Variants in NLGN1 observed in about 807,000 individuals in gnomAD.
NLGN1 encodes the protein neuroligin-1.
Under a neutral mutation model 65.5 loss-of-function variants are expected in NLGN1, and 12 were observed. That is an observed-to-expected ratio of 0.18 (90% CI 0.12 to 0.30). The LOEUF (loss-of-function observed/expected upper bound fraction) is 0.30, where lower values mean the gene tolerates loss of function less well. NLGN1 is among the 10% of genes least tolerant of loss of function. The pLI, the probability that NLGN1 is intolerant of heterozygous loss-of-function variation, is 1.00. For synonymous variants in NLGN1, 350 were observed against 359.5 expected, an observed-to-expected ratio of 0.97 and a Z score of 0.30; for missense variants, 750 against 1,007.1, an observed-to-expected ratio of 0.74 and a Z score of 3.46.
chr3:173,957,087 CA>C (rs200836710), intron 4 of NLGN1, among the ~76,000 whole-genome samples: 4,813 of 151,664 alleles, frequency 0.032, 108 homozygotes, highest in Middle Eastern at 0.082. Flanking sequence ...TATAATATAG[CA>C]AAAAAATTTG....
At chr3:173,812,031 A>T (rs1000714551) in intron 4 of NLGN1, among the ~76,000 whole-genome samples, 1 of 152,130 alleles carries the variant, frequency 6.6e-6, no homozygotes, top group African/African-American at 2.4e-5. Flanking sequence ...CAATTATGCA[A>T]TTCATAATTC....
At chr3:173,716,985 A>G (rs1231277994) in intron 3 of NLGN1, among the ~76,000 whole-genome samples, 1 of 152,194 alleles carries the variant, frequency 6.6e-6, no homozygotes. Flanking sequence ...ATTCATTTCT[A>G]GCATTTGATT....
intron 4 of NLGN1, among the ~76,000 whole-genome samples, chr3:174,132,223 C>T (rs1720348986): frequency 6.6e-6 from 1 of 152,194 alleles, no homozygotes; most frequent in Non-Finnish European, 1.5e-5. Context: ...TAGAACTCCA[C>T]ATGCTTCTGA....
intron 4 of NLGN1, among the ~76,000 whole-genome samples, chr3:173,833,518 TTTTA>T (rs1167677863): frequency 6.6e-6 from 1 of 152,098 alleles, no homozygotes; most frequent in Non-Finnish European, 1.5e-5. Context: ...TATCTTTTAT[TTTTA>T]TTTATTTATT....
chr3:173,644,312 G>A (rs573137603), intron 3 of NLGN1: 161 of 157,228 alleles, frequency 1.0e-3, no homozygotes, highest in Admixed American at 2.1e-3. Context: ...GGTGATGCTC[G>A]CTGTGGGAGT....
intron 4 of NLGN1, among the ~76,000 whole-genome samples, chr3:173,993,361 A>G (rs1464511218): frequency 3.3e-5 from 5 of 152,224 alleles, no homozygotes; most frequent in African/African-American, 7.2e-5. Flanking sequence ...TGTGCACTAA[A>G]TAGTGCATTT....
intron 4 of NLGN1, among the ~76,000 whole-genome samples, chr3:173,854,565 T>A (rs1335846918): frequency 6.6e-6 from 1 of 151,862 alleles, no homozygotes; most frequent in African/African-American, 2.4e-5. Context: ...TTAACTTTTT[T>A]TAAAAAAAAT....
chr3:173,730,634 G>T (rs1438103593), intron 3 of NLGN1, among the ~76,000 whole-genome samples: 1 of 152,036 alleles, frequency 6.6e-6, no homozygotes, highest in African/African-American at 2.4e-5. Context: ...CTAATGCCTT[G>T]ATTGTTTGCC....
chr3:174,203,945 T>C (rs1268242020), intron 4 of NLGN1, among the ~76,000 whole-genome samples: 1 of 152,226 alleles, frequency 6.6e-6, no homozygotes. Context: ...ATTGGAGTCA[T>C]TATTTTAAAA....
At chr3:173,597,972 T>C (rs2149423329) in intron 2 of NLGN1, among the ~76,000 whole-genome samples, 1 of 152,254 alleles carries the variant, frequency 6.6e-6, no homozygotes, top group Non-Finnish European at 1.5e-5. Flanking sequence ...AGATGGCCAT[T>C]ATTTTTAATC....
chr3:173,486,446 A>G (rs898879165), intron 2 of NLGN1, among the ~76,000 whole-genome samples: 6 of 152,156 alleles, frequency 3.9e-5, no homozygotes, highest in African/African-American at 1.4e-4. Flanking sequence ...GGCACAAAAA[A>G]CGCTCAGAAC....
chr3:174,083,363 T>A (rs912484204), intron 4 of NLGN1, among the ~76,000 whole-genome samples: 1 of 152,118 alleles, frequency 6.6e-6, no homozygotes, highest in Non-Finnish European at 1.5e-5. Context: ...TAGGAACAGA[T>A]GTATTTATAT....
In NLGN1 at chr3:173,831,968, T is replaced by TTCTTTG. The variant is rs1722672774; in HGVS notation, c.646+24141_646+24142insGTCTTT. ...TCTATATTCTACTTTCTTTTTCTTT[T>TTCTTTG]TCTTTTTGACATATAGTCTTACTTT... On this transcript the variant is annotated intron_variant, in intron 4 of 6. Transcript: ENST00000457714. Among the ~76,000 whole-genome samples, 3 of 152,072 alleles carry TTCTTTG rather than the reference T, an allele frequency of 2.0e-5. No homozygotes were observed. In the South Asian group the frequency reaches 6.2e-4, roughly 32 times the overall value.
intron 4 of NLGN1, among the ~76,000 whole-genome samples, chr3:173,932,165 A>T (rs1744213938): frequency 6.6e-6 from 1 of 152,078 alleles, no homozygotes; most frequent in African/African-American, 2.4e-5. Flanking sequence ...ACACAGGATC[A>T]ATCTTAAATG....
intron 5 of NLGN1, among the ~76,000 whole-genome samples, chr3:174,278,441 G>GCCAAACTGGAGGAAATATT: frequency 6.6e-6 from 1 of 151,976 alleles, no homozygotes; most frequent in African/African-American, 2.4e-5. Context: ...GATGGACACA[G>GCCAAACTGGAGGAAATATT]CCAAACTGGA....
At chr3:174,141,395 G>A (rs1722249527) in intron 4 of NLGN1, among the ~76,000 whole-genome samples, 1 of 150,510 alleles carries the variant, frequency 6.6e-6, no homozygotes, top group Admixed American at 6.6e-5. Context: ...TGTCTCATGT[G>A]AAGAAGAAAA....
intron 2 of NLGN1, among the ~76,000 whole-genome samples, chr3:173,435,409 T>G (rs1295862586): frequency 6.6e-6 from 1 of 152,204 alleles, no homozygotes; most frequent in East Asian, 1.9e-4. Flanking sequence ...CTTAAATATA[T>G]AATGTTTTTA....
intron 4 of NLGN1, among the ~76,000 whole-genome samples, chr3:174,034,713 A>G (rs1369268086): frequency 6.6e-6 from 1 of 152,194 alleles, no homozygotes; most frequent in Non-Finnish European, 1.5e-5. Context: ...GAGATAAAAA[A>G]GAATCAGATA....
intron 4 of NLGN1, among the ~76,000 whole-genome samples, chr3:174,089,629 A>T (rs910593032): frequency 3.9e-5 from 6 of 152,156 alleles, no homozygotes; most frequent in African/African-American, 1.2e-4. Flanking sequence ...TACTTTAAAA[A>T]TTTTTAAAGT....
Sources: allele counts gnomAD v4.1 joint callset (sites outside exome capture counted in the v4.1 genomes callset), GRCh38; gene constraint gnomAD v4.1.1; transcripts MANE v1.5; gene names NCBI Gene and HGNC (gene_info 2026-07-23, HGNC 2026-07-21).